Variants in CTNNA3 observed in about 807,000 individuals in gnomAD.
CTNNA3 encodes catenin alpha-3.
In CTNNA3, 76 loss-of-function variants were observed where a neutral mutation model predicts 95.7. The observed-to-expected ratio is 0.79, with a 90% CI of 0.66 to 0.96. The LOEUF is 0.96. Among genes scored for constraint, CTNNA3 ranks in the 40% least tolerant of loss-of-function variants. CTNNA3 has a pLI of 0.00. For synonymous variants in CTNNA3, 431 were observed against 374.4 expected (o/e 1.15, Z -1.74); for missense variants, 1,191 against 1,089.8 (o/e 1.09, Z -1.31).
At chr10:67,558,075 T>G (rs549287543) in intron 3 of CTNNA3, among the ~76,000 whole-genome samples, 1 of 152,138 alleles carries the variant, frequency 6.6e-6, no homozygotes, top group South Asian at 2.1e-4. Context: ...ATGTATCTTT[T>G]TATCTTTCCA....
chr10:66,470,070 A>G (rs963280727), intron 11 of CTNNA3, among the ~76,000 whole-genome samples: 4 of 151,902 alleles, frequency 2.6e-5, no homozygotes, highest in African/African-American at 7.2e-5. Context: ...ATATAAAAAT[A>G]TAATGAATAA....
intron 5 of CTNNA3, among the ~76,000 whole-genome samples, chr10:67,373,539 C>A (rs1843566325): frequency 6.6e-6 from 1 of 152,082 alleles, no homozygotes; most frequent in South Asian, 2.1e-4. Flanking sequence ...GACTTTAACA[C>A]CCAACTGTCA....
intron 11 of CTNNA3, among the ~76,000 whole-genome samples, chr10:66,432,710 TTTG>T (rs2093307482): frequency 6.6e-6 from 1 of 151,112 alleles, no homozygotes; most frequent in Non-Finnish European, 1.5e-5. Context: ...AACATGCAGC[TTTG>T]TTACATAGGC....
At chr10:66,265,191 T>C (rs1173741969) in intron 13 of CTNNA3, among the ~76,000 whole-genome samples, 1 of 151,944 alleles carries the variant, frequency 6.6e-6, no homozygotes, top group Admixed American at 6.6e-5. Flanking sequence ...ACAAACCTAT[T>C]ATGGTTACTT....
At chr10:67,036,152 T>C (rs954115454) in intron 7 of CTNNA3, among the ~76,000 whole-genome samples, 1 of 152,148 alleles carries the variant, frequency 6.6e-6, no homozygotes, top group Admixed American at 6.6e-5. Flanking sequence ...ATTTATTTTA[T>C]TTTATTTTAT....
chr10:66,239,399 G>T (rs1342953516), intron 13 of CTNNA3, among the ~76,000 whole-genome samples: 1 of 151,870 alleles, frequency 6.6e-6, no homozygotes, highest in Non-Finnish European at 1.5e-5. Context: ...CCAGTCTGGG[G>T]TATATTACCC....
At chr10:66,977,934 C>T (rs536868837) in intron 7 of CTNNA3, among the ~76,000 whole-genome samples, 1 of 152,098 alleles carries the variant, frequency 6.6e-6, no homozygotes, top group African/African-American at 2.4e-5. Flanking sequence ...GGAACCAAAA[C>T]ATATTTTAGG....
chr10:66,515,269 CT>C (rs1840802244), intron 11 of CTNNA3, among the ~76,000 whole-genome samples: 2 of 120,886 alleles, frequency 1.7e-5, no homozygotes, highest in Non-Finnish European at 3.3e-5. Flanking sequence ...TTCCCTATAT[CT>C]ATCTATCTAT....
At chr10:67,243,057 G>A (rs993922549) in intron 5 of CTNNA3, among the ~76,000 whole-genome samples, 1 of 152,034 alleles carries the variant, frequency 6.6e-6, no homozygotes, top group African/African-American at 2.4e-5. Flanking sequence ...TTTCTTAGAT[G>A]ACAGCAACCT....
chr10:67,181,351 TAAGAA>T (rs1862532831), intron 6 of CTNNA3, among the ~76,000 whole-genome samples: 1 of 152,132 alleles, frequency 6.6e-6, no homozygotes, highest in African/African-American at 2.4e-5. Context: ...TACAGCCTCT[TAAGAA>T]AAGATGGAAG....
chr10:66,172,439 T>C (rs371183992), intron 13 of CTNNA3, among the ~76,000 whole-genome samples: 3 of 152,184 alleles, frequency 2.0e-5, no homozygotes, highest in Non-Finnish European at 2.9e-5. Context: ...CATTATCCTA[T>C]GTAATTGTTT....
At chr10:66,827,880 CT>C (rs1842573329) in intron 7 of CTNNA3, among the ~76,000 whole-genome samples, 1 of 152,122 alleles carries the variant, frequency 6.6e-6, no homozygotes, top group Non-Finnish European at 1.5e-5. Flanking sequence ...AAGAAATTGC[CT>C]TTCTGAATAC....
chr10:66,883,226 T>G (rs2132472220), intron 7 of CTNNA3, among the ~76,000 whole-genome samples: 1 of 152,236 alleles, frequency 6.6e-6, no homozygotes, highest in African/African-American at 2.4e-5. Context: ...AGCTCATAGG[T>G]GGTACAGCGA....
intron 13 of CTNNA3, among the ~76,000 whole-genome samples, chr10:66,238,525 C>T (rs2132031618): frequency 6.6e-6 from 1 of 151,978 alleles, no homozygotes; most frequent in Non-Finnish European, 1.5e-5. Context: ...GATTTGCCTT[C>T]ATAATATTTG....
At position 66,109,345 on chromosome 10, in the gene CTNNA3, G is replaced by A. The variant is rs542448520; in HGVS notation, c.1885-6096C>T. On this transcript the variant is annotated intron_variant, in intron 13 of 17. Transcript: ENST00000433211. ...GTTTCTCAGTCTTAGCATTGTTGACGTCTTGATCTGAATAATTCCAGTTGT... is the reference window on the plus strand; with the variant it reads ...GTTTCTCAGTCTTAGCATTGTTGACATCTTGATCTGAATAATTCCAGTTGT... Among the ~76,000 whole-genome samples the A allele has an allele frequency of 2.0e-3, 310 of 152,282 alleles. 1 individual carries two copies. The highest frequency in any genetic ancestry group is 6.9e-3 in the African/African-American group (287 of 41,566).
intron 13 of CTNNA3, among the ~76,000 whole-genome samples, chr10:66,126,582 C>T (rs949796302): frequency 1.3e-5 from 2 of 152,078 alleles, no homozygotes; most frequent in Admixed American, 1.3e-4. Flanking sequence ...AATGCTAATT[C>T]TACGACTGGG....
At chr10:66,103,096 A>AG in intron 14 of CTNNA3, 61 bp downstream of exon 14, 3 of 1,372,918 alleles carry the variant, frequency 2.2e-6, no homozygotes, top group Non-Finnish European at 3.1e-6. Flanking sequence ...AGATTGACAA[A>AG]GGGAGGGCAC....
At chr10:66,398,641 A>G (rs187305552) in intron 11 of CTNNA3, among the ~76,000 whole-genome samples, 23 of 151,890 alleles carry the variant, frequency 1.5e-4, no homozygotes, top group Non-Finnish European at 2.7e-4. Flanking sequence ...AGTATGGAAA[A>G]GATAGATAAA....
chr10:66,350,016 C>T (rs2092554681), intron 12 of CTNNA3, among the ~76,000 whole-genome samples: 1 of 152,006 alleles, frequency 6.6e-6, no homozygotes, highest in South Asian at 2.1e-4. Flanking sequence ...ATCACATTTC[C>T]TCTATTATAG....
Sources: gnomAD v4.1 joint callset for allele counts (sites outside exome capture counted in the v4.1 genomes callset) on GRCh38, gnomAD v4.1.1 for gene constraint, MANE v1.5 for transcripts, NCBI Gene and HGNC (gene_info 2026-07-23, HGNC 2026-07-21) for gene names.